FIGNL1: variants seen among roughly 807,000 people sequenced by gnomAD.
FIGNL1 encodes fidgetin-like protein 1.
A neutral mutation model predicts 28.9 loss-of-function variants in FIGNL1; 11 were observed. The ratio of observed to expected loss-of-function variants is 0.38; its 90% confidence interval spans 0.24 to 0.63. The LOEUF is 0.63. Ranked by LOEUF, FIGNL1 falls within the 20% of genes least tolerant of loss-of-function variation. The probability of loss-of-function intolerance (pLI) is 0.57; values close to 1 mark genes in which losing one functional copy is unlikely to be tolerated. For missense variants in FIGNL1, 789 were observed against 810.4 expected, an observed-to-expected ratio of 0.97 and a Z score of 0.32; for synonymous variants, 295 against 276.5, an observed-to-expected ratio of 1.07 and a Z score of -0.66.
Position 50,446,833 on chromosome 7 carries a change from C to T in FIGNL1, c.455G>A (p.Ser152Asn), listed in dbSNP as rs754617778. The change falls in exon 4 of 4, where the codon AGT becomes AAT. Residue 152 changes from serine (S) to asparagine (N), a missense_variant. Coordinates refer to ENST00000433017, the MANE Select transcript of FIGNL1 (RefSeq NM_001287492.4). Reference sequence around the variant, plus strand: ...ACTCTCTTGAGAACTACCACAAACACTAAATTTAGGAAGATCAAAGACAGT... The same window carrying T: ...ACTCTCTTGAGAACTACCACAAACATTAAATTTAGGAAGATCAAAGACAGT... ...EATVFDLPKF[S>N]VCGSSQESDS... 6.2e-7 allele frequency: 1 copy of T among 1,614,104 alleles called. No homozygotes were observed. The highest frequency in any genetic ancestry group is 2.2e-5 in the East Asian group (1 of 44,886).
intron 1 of FIGNL1, 79 bp from the exon 2 acceptor site, chr7:50,449,802 C>G (rs1305156371): frequency 6.6e-6 from 1 of 152,258 alleles, no homozygotes; most frequent in Non-Finnish European, 1.5e-5. Flanking sequence ...GGACTCAGCA[C>G]TTAGAAAATA....
Position 50,446,599 on chromosome 7 carries a change from C to A in FIGNL1, c.689G>T (p.Ser230Ile), listed in dbSNP as rs144297981. ...LFGNVKKENH[S>I]SAKENIGLNV... ...AAGTCCTATGTTTTCTTTTGCAGAGCTGTGATTTTCCTTTTTGACATTTCC... is the reference window on the plus strand; with the variant it reads ...AAGTCCTATGTTTTCTTTTGCAGAGATGTGATTTTCCTTTTTGACATTTCC... Residue 230 changes from serine (S) to isoleucine (I), a missense_variant, in exon 4 of 4, where the codon AGC becomes ATC. Transcript: ENST00000433017. 1.9e-6 allele frequency: 3 copies of A among 1,614,120 alleles called. No homozygotes were observed. Among genetic ancestry groups the A allele is most frequent in the Non-Finnish European group, 2.5e-6 (3 of 1,180,028 alleles).
In FIGNL1 at chr7:50,444,189, T is replaced by G. The variant is rs935138034; in HGVS notation, c.*1074A>C. On this transcript the variant is annotated 3_prime_UTR_variant, in exon 4 of 4. Transcript: ENST00000433017. ...TTACTCAAGAAATTTATACATTTTTTAAAAAGATCACCAAATGCATCCCAC... is the reference window on the plus strand; with the variant it reads ...TTACTCAAGAAATTTATACATTTTTGAAAAAGATCACCAAATGCATCCCAC... The G allele has an allele frequency of 4.6e-5, 7 of 152,220 alleles. No homozygotes were observed. Among genetic ancestry groups the G allele is most frequent in the African/African-American group, 1.7e-4 (7 of 41,458 alleles). The allele number at this position is 152,220 out of a possible 1,614,324, so 9.4% of individuals were successfully genotyped here. A position where few individuals can be genotyped will look rare whatever the true frequency, so the allele number is the denominator to read the frequency against.
rs1820724125 is a variant in FIGNL1 at position 50,446,087 on chromosome 7, C to T, written c.1201G>A (p.Glu401Lys). 1 of 1,614,106 alleles carries T rather than the reference C, an allele frequency of 6.2e-7. No homozygotes were observed. The highest frequency in any genetic ancestry group is 8.5e-7 in the Non-Finnish European group (1 of 1,180,048). Residue 401 changes from glutamate (E) to lysine (K), a missense_variant, in exon 4 of 4, where the codon GAA (glutamate) becomes AAA (lysine). By Grantham distance (56) the Glu-to-Lys change is moderately conservative (BLOSUM62 1). Coordinates refer to ENST00000433017, the MANE Select transcript of FIGNL1 (RefSeq NM_001287492.4). ...GCAAATTCTACTCCTGCAATATCTT[C>T]CCAATTTACTGGAGGTCCATGATCC... ...IMDHGPPVNWEDIAGVEFAKA... is the reference protein window; with the variant it reads ...IMDHGPPVNWKDIAGVEFAKA...
In FIGNL1 at chr7:50,445,287, G is replaced by A; in HGVS notation, c.2001C>T (p.Asn667=). 2 of 1,574,482 alleles carry A rather than the reference G, an allele frequency of 1.3e-6. No individual in the cohort carries two copies. Among genetic ancestry groups the A allele is most frequent in the Non-Finnish European group, 1.7e-6 (2 of 1,161,254 alleles). Residue 667 remains asparagine (N), a synonymous_variant, in exon 4 of 4, where the codon AAC becomes AAT. Transcript: ENST00000433017. ...CTTACTTTCCACAACCAAAAGTTTT[G>A]TTCCAGTTTTCATAAAGCTCTAAAT... is the stretch of plus-strand genomic sequence containing the variant. ...PKDLELYENW[N]KTFGCGK is the part of the protein sequence containing the mutation.
chr7:50,446,560 G>T lies in FIGNL1; in HGVS notation c.728C>A (p.Ser243Tyr). ...GGCAGCAGGAAAACAAGACTGGTTA[G>T]ATAAGAACACATTAAGTCCTATGTT... is the stretch of plus-strand genomic sequence containing the variant. ...KENIGLNVFL[S>Y]NQSCFPAACE... The change falls in exon 4 of 4, where the codon TCT becomes TAT. Residue 243 changes from serine (S) to tyrosine (Y), a missense_variant. Physicochemically the swap from Ser to Tyr is moderately radical, Grantham distance 144 (BLOSUM62 -2). Coordinates refer to ENST00000433017, the MANE Select transcript of FIGNL1 (RefSeq NM_001287492.4). 1 of 1,614,136 alleles carries T rather than the reference G, an allele frequency of 6.2e-7. No homozygotes were observed. Among genetic ancestry groups the T allele is most frequent in the Non-Finnish European group, 8.5e-7 (1 of 1,180,034 alleles).
Position 50,449,266 on chromosome 7 carries a change from C to T in FIGNL1, c.-268G>A, listed in dbSNP as rs1270275542. 6.6e-6 allele frequency: 1 copy of T among 152,206 alleles called. No homozygotes were observed. Among genetic ancestry groups the T allele is most frequent in the Admixed American group, 6.5e-5 (1 of 15,278 alleles). 9.4% of individuals were successfully genotyped at this position (152,206 alleles called of 1,614,324 possible). The stretch of plus-strand genomic sequence containing the variant: ...AAGGATAACCAAAAACTGGCCATCA[C>T]CGATCAGTGACACAACCATTGTCTT... On this transcript the variant is annotated 5_prime_UTR_variant, in exon 2 of 4. It adds an upstream start codon to the 5' untranslated region. Transcript: ENST00000433017.
intron 2 of FIGNL1, chr7:50,448,543 T>C (rs994871944): frequency 1.3e-5 from 2 of 152,268 alleles, no homozygotes; most frequent in Non-Finnish European, 2.9e-5. Context: ...CTCACATTGT[T>C]ACCTTTAAAC....
intron 2 of FIGNL1, 75 bp from the exon 3 acceptor site, chr7:50,448,364 G>A (rs1821406172): frequency 6.6e-6 from 1 of 152,142 alleles, no homozygotes; most frequent in African/African-American, 2.4e-5. Context: ...TAACATTCAT[G>A]AATAAGTTCA....
chr7:50,445,389 C>T lies in FIGNL1; in HGVS notation c.1899G>A (p.Pro633=), dbSNP rs373144526. ...LQTADIATIT[P]DQVRPIAYID... is the part of the protein sequence containing the mutation. ...TGTAAGCTATGGGTCGAACTTGATC[C>T]GGTGTTATGGTAGCAATGTCAGCAG... Residue 633 remains proline (P), a synonymous_variant, in exon 4 of 4, where the codon CCG becomes CCA. Coordinates refer to ENST00000433017, the MANE Select transcript of FIGNL1 (RefSeq NM_001287492.4). 1.5e-5 allele frequency: 24 copies of T among 1,613,972 alleles called. No individual in the cohort carries two copies. Among genetic ancestry groups the T allele is most frequent in the South Asian group, 2.2e-5 (2 of 91,072 alleles).
Position 50,446,849 on chromosome 7 carries a change from C to T in FIGNL1, c.439G>A (p.Asp147Asn), listed in dbSNP as rs1562961637. 6.2e-7 allele frequency: 1 copy of T among 1,614,114 alleles called. No homozygotes were observed. Among genetic ancestry groups the T allele is most frequent in the Admixed American group, 1.7e-5 (1 of 60,032 alleles). The change falls in exon 4 of 4, where the codon GAT becomes AAT. Residue 147 changes from aspartate (D) to asparagine (N), a missense_variant. Physicochemically the swap from Asp to Asn is conservative, Grantham distance 23 (BLOSUM62 1). Transcript: ENST00000433017. Reference sequence around the variant, plus strand: ...CCACAAACACTAAATTTAGGAAGATCAAAGACAGTGGCCTCCTTATGGATT... The same window carrying T: ...CCACAAACACTAAATTTAGGAAGATTAAAGACAGTGGCCTCCTTATGGATT... Reference protein sequence around the residue: ...VVIHKEATVFDLPKFSVCGSS... With the variant: ...VVIHKEATVFNLPKFSVCGSS...
In FIGNL1 at chr7:50,444,899, T is replaced by C; in HGVS notation, c.*364A>G. 6.4e-6 allele frequency: 1 copy of C among 157,436 alleles called. No homozygotes were observed. The highest frequency in any genetic ancestry group is 1.4e-5 in the Non-Finnish European group (1 of 71,678). The allele number at this position is 157,436 out of a possible 1,614,324, so 9.8% of individuals were successfully genotyped here. ...ATACTAGCTGACATTAAGAATTATGTGGCCATCAGAAGGCACTTTCTTCAA... is the reference window on the plus strand; with the variant it reads ...ATACTAGCTGACATTAAGAATTATGCGGCCATCAGAAGGCACTTTCTTCAA... On this transcript the variant is annotated 3_prime_UTR_variant, in exon 4 of 4. Coordinates refer to ENST00000433017, the MANE Select transcript of FIGNL1 (RefSeq NM_001287492.4).
Position 50,445,759 on chromosome 7 carries a change from C to A in FIGNL1, c.1529G>T (p.Gly510Val), listed in dbSNP as rs776196459. 1 of 1,614,182 alleles carries A rather than the reference C, an allele frequency of 6.2e-7. No homozygotes were observed. Among genetic ancestry groups the A allele is most frequent in the South Asian group, 1.1e-5 (1 of 91,080 alleles). ...TCTAGAAGATTCATGCTCACCATCT[C>A]CCCGTTGAGATAACAAGGAATCAAT... ...DEIDSLLSQR[G>V]DGEHESSRRI... Residue 510 changes from glycine to valine, a missense_variant, in exon 4 of 4, where the codon GGA becomes GTA. By Grantham distance (109) the Gly-to-Val change is moderately radical (BLOSUM62 -3). Coordinates refer to ENST00000433017, the MANE Select transcript of FIGNL1 (RefSeq NM_001287492.4).
In FIGNL1 at chr7:50,445,430, T is replaced by G. The variant is rs775807106; in HGVS notation, c.1858A>C (p.Ile620Leu). 3.1e-6 allele frequency: 5 copies of G among 1,614,206 alleles called. No homozygotes were observed. Among genetic ancestry groups the G allele is most frequent in the Middle Eastern group, 1.6e-4 (1 of 6,062 alleles). ...ATGTCAGCAGTTTGTAAACTGCGAA[T>G]AGGACCAAGAGAAGCCTCCCTGCAA... Reference protein sequence around the residue: ...QLCREASLGPIRSLQTADIAT... With the variant: ...QLCREASLGPLRSLQTADIAT... Residue 620 changes from isoleucine (I) to leucine (L), a missense_variant, in exon 4 of 4, where the codon ATT (isoleucine) becomes CTT (leucine). Coordinates refer to ENST00000433017, the MANE Select transcript of FIGNL1 (RefSeq NM_001287492.4).
At position 50,446,749 on chromosome 7, in the gene FIGNL1, T is replaced by C. The variant is rs540678912; in HGVS notation, c.539A>G (p.Asn180Ser). 4.6e-5 allele frequency: 74 copies of C among 1,614,214 alleles called. No homozygotes were observed. The highest frequency in any genetic ancestry group is 3.9e-4 in the African/African-American group (29 of 75,064). ...GGCATTCTGAAGGAGTTTCAAACGA[T>C]TGCTCTCCGGGAAGTCTTGGGTCCG... ...RDRTQDFPES[N>S]RLKLLQNAQP... The change falls in exon 4 of 4, where the codon AAT becomes AGT. Residue 180 changes from asparagine to serine, a missense_variant. Asn to Ser is a conservative substitution (Grantham distance 46). Transcript: ENST00000433017.
chr7:50,447,113 A>G lies in FIGNL1; in HGVS notation c.175T>C (p.Phe59Leu), dbSNP rs1405409056. Residue 59 changes from phenylalanine to leucine, a missense_variant, in exon 4 of 4, where the codon TTC becomes CTC. Physicochemically the swap from Phe to Leu is conservative, Grantham distance 22. Transcript: ENST00000433017. ...EISQVCATKL[F>L]KKYAEKYSAI... The stretch of plus-strand genomic sequence containing the variant: ...GAATATTTCTCTGCATATTTTTTGA[A>G]CAGTTTGGTAGCACAGACCTGGGAA... 1 of 1,614,236 alleles carries G rather than the reference A, an allele frequency of 6.2e-7. No individual in the cohort carries two copies. The highest frequency in any genetic ancestry group is 8.5e-7 in the Non-Finnish European group (1 of 1,180,054).
At position 50,446,141 on chromosome 7, in the gene FIGNL1, T is replaced by G; in HGVS notation, c.1147A>C (p.Met383Leu). 1 of 1,614,240 alleles carries G rather than the reference T, an allele frequency of 6.2e-7. No homozygotes were observed. Among genetic ancestry groups the G allele is most frequent in the Non-Finnish European group, 8.5e-7 (1 of 1,180,046 alleles). The change falls in exon 4 of 4, where the codon ATG becomes CTG. Residue 383 changes from methionine (M) to leucine (L), a missense_variant. Transcript: ENST00000433017. ...ATCTCATTCATAATAAGTTCAATCA[T>G]CTTTGGCTCCAAGTTCTTCAGACGC... Reference protein sequence around the residue: ...DERLKNLEPKMIELIMNEIMD... With the variant: ...DERLKNLEPKLIELIMNEIMD...
At position 50,445,488 on chromosome 7, in the gene FIGNL1, A is replaced by G; in HGVS notation, c.1800T>C (p.Ser600=). 1.2e-6 allele frequency: 2 copies of G among 1,614,196 alleles called. No individual in the cohort carries two copies. Among genetic ancestry groups the G allele is most frequent in the Non-Finnish European group, 1.7e-6 (2 of 1,180,034 alleles). The change falls in exon 4 of 4, where the codon TCT becomes TCC. Residue 600 remains serine, a synonymous_variant. Transcript: ENST00000433017. ...EEEIEQIVQQ[S]DAFSGADMTQ... ...TCATGTCTGCTCCTGAAAACGCATCAGACTGCTGTACAATCTGTTCAATTT... is the reference window on the plus strand; with the variant it reads ...TCATGTCTGCTCCTGAAAACGCATCGGACTGCTGTACAATCTGTTCAATTT...
intron 3 of FIGNL1, 119 bp from the exon 4 acceptor site, chr7:50,447,416 G>T: frequency 1.5e-6 from 1 of 679,642 alleles, no homozygotes; most frequent in Non-Finnish European, 2.4e-6. Flanking sequence ...TATTTATAAT[G>T]TAGATTTATA....
Sources: allele counts gnomAD v4.1 joint callset, GRCh38; gene constraint gnomAD v4.1.1; transcripts MANE v1.5; gene names NCBI Gene and HGNC (gene_info 2026-07-23, HGNC 2026-07-21).